The following FADS1 variants were observed in gnomAD, a reference collection of about 807,000 sequenced individuals.
FADS1 encodes the protein fatty acid desaturase 1, also known as acyl-CoA (8-3)-desaturase.
A neutral mutation model predicts 61.6 loss-of-function variants in FADS1; 17 were observed. The observed-to-expected ratio is 0.28, with a 90% confidence interval of 0.19 to 0.41. The LOEUF is 0.41. FADS1 is among the 10% of genes least tolerant of loss of function. The probability of loss-of-function intolerance (pLI) is 1.00; values close to 1 mark genes in which losing one functional copy is unlikely to be tolerated. For synonymous variants in FADS1, 238 were observed against 258.7 expected, an observed-to-expected ratio of 0.92 and a Z score of 0.77; for missense variants, 387 against 650.9, an observed-to-expected ratio of 0.59 and a Z score of 4.41.
At position 61,802,573 on chromosome 11, in the gene FADS1, CTACTT is replaced by C. The variant is rs1381634891; in HGVS notation, c.1455-116_1455-112del. ...TTCCATCTGGAGGTTTTCCTCCCCTCTACTTTAGAGAAAGCTAGCTTGGGCCATGG... is the reference window on the plus strand; with the variant it reads ...TTCCATCTGGAGGTTTTCCTCCCCTCTAGAGAAAGCTAGCTTGGGCCATGG... On this transcript the variant is annotated intron_variant, in intron 11 of 11. Coordinates refer to ENST00000350997, the MANE Select transcript of FADS1 (RefSeq NM_013402.7). The surrounding 1 kb of genome is among the most constrained non-coding windows in gnomAD (Gnocchi z 4.2). 3.1e-6 allele frequency: 4 copies of C among 1,274,772 alleles called. No individual in the cohort carries two copies. The highest frequency in any genetic ancestry group is 4.4e-6 in the Non-Finnish European group (4 of 899,426). The allele number at this position is 1,274,772 out of a possible 1,614,324, so 79.0% of individuals were successfully genotyped here.
Position 61,816,000 on chromosome 11 carries a change from C to T in FADS1, c.375+555G>A. 1 of 511,718 alleles carries T rather than the reference C, an allele frequency of 2.0e-6. No homozygotes were observed. The highest frequency in any genetic ancestry group is 2.3e-5 in the South Asian group (1 of 44,212). 31.7% of individuals were successfully genotyped at this position (511,718 alleles called of 1,614,324 possible). On this transcript the variant is annotated intron_variant, in intron 1 of 11. Coordinates refer to ENST00000350997, the MANE Select transcript of FADS1 (RefSeq NM_013402.7). This position sits in a 1 kb window ranked among gnomAD's most constrained non-coding sequence, Gnocchi z 6.4. ...TCCAGTCTTCACACGACGCAGGGGT[C>T]CCCAAGGCAGCGGTCTCCCCAAGCT...
intron 5 of FADS1, among the ~76,000 whole-genome samples, chr11:61,809,173 ATTTTTGC>A (rs2066915664): frequency 6.6e-6 from 1 of 151,924 alleles, no homozygotes; most frequent in African/African-American, 2.4e-5. Context: ...CCTTCCCTGA[ATTTTTGC>A]AGTGTTGGCC....
chr11:61,802,219 G>C lies in FADS1; in HGVS notation c.*192C>G. On this transcript the variant is annotated 3_prime_UTR_variant, in exon 12 of 12. Transcript: ENST00000350997. This position sits in a 1 kb window ranked among gnomAD's most constrained non-coding sequence, Gnocchi z 4.2. ...CTCCTTCCCTCCTAGGGACTTCTGT[G>C]TCCACCCCCCACTTTGGGTCTTAGA... 3 of 605,992 alleles carry C rather than the reference G, an allele frequency of 5.0e-6. No homozygotes were observed. The allele number at this position is 605,992 out of a possible 1,614,324, so 37.5% of individuals were successfully genotyped here.
At position 61,799,727 on chromosome 11, in the gene FADS1, G is replaced by A. The variant is rs914736100; in HGVS notation, c.*2684C>T. 2 of 152,354 alleles carry A rather than the reference G, an allele frequency of 1.3e-5. No individual in the cohort carries two copies. The highest frequency in any genetic ancestry group is 2.9e-5 in the Non-Finnish European group (2 of 68,028). 9.4% of individuals were successfully genotyped at this position (152,354 alleles called of 1,614,324 possible). A position where few individuals can be genotyped will look rare whatever the true frequency, so the allele number is the denominator to read the frequency against. On this transcript the variant is annotated 3_prime_UTR_variant, in exon 12 of 12. Transcript: ENST00000350997. ...TGATATTGGGCCTGATTTAAAAAATGCCTCTGGCCAGGTTGTAAAAAAGTG... is the reference window on the plus strand; with the variant it reads ...TGATATTGGGCCTGATTTAAAAAATACCTCTGGCCAGGTTGTAAAAAAGTG...
intron 5 of FADS1, among the ~76,000 whole-genome samples, chr11:61,809,667 C>T (rs899993019): frequency 6.6e-6 from 1 of 152,186 alleles, no homozygotes; most frequent in Admixed American, 6.5e-5. Context: ...AGCCCCATGC[C>T]ACTGCCCAGC....
In FADS1 at chr11:61,806,778, G is replaced by A. The variant is rs1046604578; in HGVS notation, c.916-54C>T. ...TCGGAGACCAGTGATTCCTCCCTCT[G>A]TGACTTGACCTTTCCTTGCTTGGAG... On this transcript the variant is annotated intron_variant, in intron 5 of 11. Coordinates refer to ENST00000350997, the MANE Select transcript of FADS1 (RefSeq NM_013402.7). 13 of 1,534,778 alleles carry A rather than the reference G, an allele frequency of 8.5e-6. No individual in the cohort carries two copies. The African/African-American group carries it at 1.4e-4, about 16-fold the overall frequency.
chr11:61,806,016 G>C (rs953552294), intron 6 of FADS1: 5 of 152,852 alleles, frequency 3.3e-5, no homozygotes, highest in African/African-American at 1.2e-4. Flanking sequence ...GCTCTACCAG[G>C]TTACCTTGGC....
In FADS1 at chr11:61,816,274, G is replaced by C. The variant is rs1283492546; in HGVS notation, c.375+281C>G. ...CCCGCCCAGAGACCTGAGGCTCGGG[G>C]CTGCAGATGGAATGCACGGCAGGGA... On this transcript the variant is annotated intron_variant, in intron 1 of 11. Coordinates refer to ENST00000350997, the MANE Select transcript of FADS1 (RefSeq NM_013402.7). This position sits in a 1 kb window ranked among gnomAD's most constrained non-coding sequence, Gnocchi z 7.0. 1 of 1,598,144 alleles carries C rather than the reference G, an allele frequency of 6.3e-7. No individual in the cohort carries two copies. Among genetic ancestry groups the C allele is most frequent in the Non-Finnish European group, 8.5e-7 (1 of 1,179,740 alleles).
Position 61,803,460 on chromosome 11 carries a change from C to G in FADS1, c.1152-1G>C. The G allele has an allele frequency of 6.2e-7, 1 of 1,612,398 alleles. No individual in the cohort carries two copies. The highest frequency in any genetic ancestry group is 8.5e-7 in the Non-Finnish European group (1 of 1,178,462). ...CACAAACCAGTTGCTTTCCAGGAACCTGTTAGATGTATTACACAGACAAAA... is the reference window on the plus strand; with the variant it reads ...CACAAACCAGTTGCTTTCCAGGAACGTGTTAGATGTATTACACAGACAAAA... On this transcript the variant is annotated splice_acceptor_variant, in intron 8 of 11. Transcript: ENST00000350997. LOFTEE classifies it high-confidence loss of function. This position sits in a 1 kb window ranked among gnomAD's most constrained non-coding sequence, Gnocchi z 4.3.
chr11:61,801,512 G>C lies in FADS1; in HGVS notation c.*899C>G, dbSNP rs2066855434. 1 of 152,366 alleles carries C rather than the reference G, an allele frequency of 6.6e-6. No homozygotes were observed. Among genetic ancestry groups the C allele is most frequent in the Non-Finnish European group, 1.5e-5 (1 of 68,038 alleles). 9.4% of individuals were successfully genotyped at this position (152,366 alleles called of 1,614,324 possible). A position where few individuals can be genotyped will look rare whatever the true frequency, so the allele number is the denominator to read the frequency against. On this transcript the variant is annotated 3_prime_UTR_variant, in exon 12 of 12. Coordinates refer to ENST00000350997, the MANE Select transcript of FADS1 (RefSeq NM_013402.7). ...CTCTCTCTACCATCTGTTTTGGTAA[G>C]AGCTAGCACCTCTTGTTCTCTTTAG...
chr11:61,806,397 C>T, intron 6 of FADS1: 1 of 500,092 alleles, frequency 2.0e-6, no homozygotes, highest in Non-Finnish European at 3.6e-6. Context: ...AGAGGCCCCT[C>T]TACACCCCAA....
rs2066881278 is a variant in FADS1, at chr11:61,804,680, C to G, written c.1053+5G>C. ...ATGTGGGCTTCTTGGGCCATGGATACTCACCACCCACTTCTTTCGCTGGAT... is the reference window on the plus strand; with the variant it reads ...ATGTGGGCTTCTTGGGCCATGGATAGTCACCACCCACTTCTTTCGCTGGAT... On this transcript the variant is annotated splice_donor_5th_base_variant and intron_variant, in intron 7 of 11. Coordinates refer to ENST00000350997, the MANE Select transcript of FADS1 (RefSeq NM_013402.7). The G allele has an allele frequency of 6.2e-7, 1 of 1,613,250 alleles. No individual in the cohort carries two copies. The highest frequency in any genetic ancestry group is 8.5e-7 in the Non-Finnish European group (1 of 1,179,224).
chr11:61,810,674 C>T (rs1367283799), intron 5 of FADS1, 77 bp downstream of exon 5: 4 of 1,553,592 alleles, frequency 2.6e-6, no homozygotes, highest in African/African-American at 1.4e-5. Flanking sequence ...CTGACAACAT[C>T]GTGGGCATCT....
chr11:61,799,849 CTA>C lies in FADS1; in HGVS notation c.*2560_*2561del, dbSNP rs2066842741. 6.5e-6 allele frequency: 1 copy of C among 152,810 alleles called. No homozygotes were observed. The highest frequency in any genetic ancestry group is 2.4e-5 in the African/African-American group (1 of 41,462). 9.5% of individuals were successfully genotyped at this position (152,810 alleles called of 1,614,324 possible). ...CTTGACCAGAGGCAGCTTTTCCTCT[CTA>C]AGCCTATTTTATATCTGTCAGTGGA... On this transcript the variant is annotated 3_prime_UTR_variant, in exon 12 of 12. Coordinates refer to ENST00000350997, the MANE Select transcript of FADS1 (RefSeq NM_013402.7).
Position 61,816,007 on chromosome 11 carries a change from G to T in FADS1, c.375+548C>A, listed in dbSNP as rs1030855709. ...TTCACACGACGCAGGGGTCCCCAAG[G>T]CAGCGGTCTCCCCAAGCTTCCCGTT... On this transcript the variant is annotated intron_variant, in intron 1 of 11. Transcript: ENST00000350997. This position sits in a 1 kb window ranked among gnomAD's most constrained non-coding sequence, Gnocchi z 7.0. The T allele has an allele frequency of 2.3e-5, 12 of 520,286 alleles. No individual in the cohort carries two copies. Among genetic ancestry groups the T allele is most frequent in the Admixed American group, 1.4e-4 (4 of 29,458 alleles). The allele number at this position is 520,286 out of a possible 1,614,324, so 32.2% of individuals were successfully genotyped here. A position where few individuals can be genotyped will look rare whatever the true frequency, so the allele number is the denominator to read the frequency against.
At chr11:61,806,782 C>T in intron 5 of FADS1, 58 bp from the exon 6 acceptor site, 1 of 1,522,178 alleles carries the variant, frequency 6.6e-7, no homozygotes. Flanking sequence ...CCCTCTGTGA[C>T]TTGACCTTTC....
At chr11:61,812,449 T>C (rs1403890075) in intron 3 of FADS1, 22 bp downstream of exon 3, 20 of 1,611,904 alleles carry the variant, frequency 1.2e-5, no homozygotes, top group Non-Finnish European at 1.7e-5. Context: ...TGCTGTGCAC[T>C]TGACAAGCCA....
At chr11:61,806,587 T>C in intron 6 of FADS1, 77 bp downstream of exon 6, 1 of 1,326,432 alleles carries the variant, frequency 7.5e-7, no homozygotes. Flanking sequence ...CCATAATCCC[T>C]TGGACAGCCA....
intron 3 of FADS1, 133 bp from the exon 4 acceptor site, chr11:61,811,208 A>G: frequency 1.5e-6 from 1 of 656,584 alleles, no homozygotes; most frequent in Non-Finnish European, 2.7e-6. Context: ...GAGTCAGGAA[A>G]CATGGGTCCT....
Sources: allele counts gnomAD v4.1 joint callset (sites outside exome capture counted in the v4.1 genomes callset), GRCh38; gene constraint gnomAD v4.1.1; non-coding constraint Gnocchi (gnomAD v3.1); transcripts MANE v1.5; gene names NCBI Gene and HGNC (gene_info 2026-07-23, HGNC 2026-07-21).